PTPRN: variants seen among roughly 807,000 people sequenced by gnomAD.
PTPRN encodes protein tyrosine phosphatase receptor type N, also known as receptor-type tyrosine-protein phosphatase-like N.
Under a neutral mutation model 108.5 loss-of-function variants are expected in PTPRN, and 70 were observed. The observed-to-expected ratio is 0.65, with a 90% CI of 0.53 to 0.79. The LOEUF is 0.79. PTPRN is among the 30% of genes least tolerant of loss of function. The pLI is 0.00. For synonymous variants in PTPRN, 496 were observed against 524.6 expected (o/e 0.95, Z 0.75); for missense variants, 1,136 against 1,295.5 (o/e 0.88, Z 1.89).
rs1218446097 is a variant in PTPRN at position 219,296,837 on chromosome 2, CA to C, written c.2237-16del. ...GGCATGGTCATCTGCACAGACCCGA[CA>C]CCCCACCCCAGATGGCCCTCTGGTC... is the stretch of plus-strand genomic sequence containing the variant. On this transcript the variant is annotated splice_polypyrimidine_tract_variant and intron_variant, in intron 15 of 22. Transcript: ENST00000295718. The surrounding 1 kb of genome is among the most constrained non-coding windows in gnomAD (Gnocchi z 6.0). The C allele has an allele frequency of 6.2e-7, 1 of 1,614,118 alleles. No homozygotes were observed. The highest frequency in any genetic ancestry group is 1.7e-5 in the Admixed American group (1 of 60,024).
At position 219,296,547 on chromosome 2, in the gene PTPRN, G is replaced by T; in HGVS notation, c.2311-31C>A. 6.2e-7 allele frequency: 1 copy of T among 1,612,580 alleles called. No individual in the cohort carries two copies. Among genetic ancestry groups the T allele is most frequent in the African/African-American group, 1.3e-5 (1 of 75,016 alleles). On this transcript the variant is annotated intron_variant, in intron 16 of 22. Transcript: ENST00000295718. The surrounding 1 kb of genome is among the most constrained non-coding windows in gnomAD (Gnocchi z 6.0). ...GGCAGGGAAGATACACCATGAGCCA[G>T]TGTGGGAAATGCCACTATGGACAGG...
rs1952381173 is a variant in PTPRN at position 219,302,566 on chromosome 2, A to G, written c.639+10T>C. 2 of 1,613,854 alleles carry G rather than the reference A, an allele frequency of 1.2e-6. No individual in the cohort carries two copies. The highest frequency in any genetic ancestry group is 2.2e-5 in the South Asian group (2 of 91,078). On this transcript the variant is annotated intron_variant, in intron 5 of 22. Coordinates refer to ENST00000295718, the MANE Select transcript of PTPRN (RefSeq NM_002846.4). ...CTGCGGTTGGGGTGGGACCAGAGTC[A>G]AGGACTTACCTGGTGGAACAGGTAG...
intron 8 of PTPRN, chr2:219,300,534 G>A: frequency 4.2e-6 from 2 of 474,128 alleles, no homozygotes; most frequent in East Asian, 3.4e-5. Context: ...AAGCTGGGGT[G>A]AGGGTAAAAG....
At chr2:219,298,468 C>T (rs1011857753) in intron 12 of PTPRN, among the ~76,000 whole-genome samples, 5 of 152,100 alleles carry the variant, frequency 3.3e-5, no homozygotes, top group African/African-American at 9.7e-5. Flanking sequence ...CTTTGGGGGG[C>T]CAAAGGTTGG....
rs1227285971 is a variant in PTPRN, at chr2:219,290,358, A to G, written c.2869-61T>C. The G allele has an allele frequency of 6.9e-6, 6 of 873,892 alleles. No individual in the cohort carries two copies. In the African/African-American group the frequency reaches 7.1e-5, roughly 10 times the overall value. 54.1% of individuals were successfully genotyped at this position (873,892 alleles called of 1,614,324 possible). A position where few individuals can be genotyped will look rare whatever the true frequency, so the allele number is the denominator to read the frequency against. On this transcript the variant is annotated intron_variant, in intron 22 of 22. Transcript: ENST00000295718. The surrounding 1 kb of genome is among the most constrained non-coding windows in gnomAD (Gnocchi z 4.2). ...GGCTGACCTGTGCTCTGCCCTCAAG[A>G]TGGGGGGCTTTTGGTGGGGGGAGGG... is the stretch of plus-strand genomic sequence containing the variant.
chr2:219,296,713 G>T lies in PTPRN; in HGVS notation c.2310+36C>A. 1 of 1,610,286 alleles carries T rather than the reference G, an allele frequency of 6.2e-7. No individual in the cohort carries two copies. Among genetic ancestry groups the T allele is most frequent in the Non-Finnish European group, 8.5e-7 (1 of 1,177,730 alleles). ...GAGTGCATAGGGCCAGGATAATGAT[G>T]GGGCAGAGGTGGGGGCTGGAGTCAG... On this transcript the variant is annotated intron_variant, in intron 16 of 22. Transcript: ENST00000295718. The surrounding 1 kb of genome is among the most constrained non-coding windows in gnomAD (Gnocchi z 6.0).
Position 219,297,925 on chromosome 2 carries a change from C to G in PTPRN, c.1847G>C (p.Gly616Ala). 1 of 1,612,710 alleles carries G rather than the reference C, an allele frequency of 6.2e-7. No individual in the cohort carries two copies. The highest frequency in any genetic ancestry group is 8.5e-7 in the Non-Finnish European group (1 of 1,179,844). ...QQDKERLAAL[G>A]PEGAHGDTTF... The stretch of plus-strand genomic sequence containing the variant: ...AGTGTCACCATGGGCCCCCTCAGGC[C>G]CCAGGGCTGCCAGGCGCTCCTTGTC... The change falls in exon 13 of 23, where the codon GGG becomes GCG. Residue 616 changes from glycine (G) to alanine (A), a missense_variant. By Grantham distance (60) the Gly-to-Ala change is moderately conservative (BLOSUM62 0). Transcript: ENST00000295718. This position sits in a 1 kb window ranked among gnomAD's most constrained non-coding sequence, Gnocchi z 6.0.
chr2:219,304,087 CA>C (rs1952424423), intron 3 of PTPRN: 1 of 324,484 alleles, frequency 3.1e-6, no homozygotes, highest in South Asian at 5.1e-5. Flanking sequence ...TGAACCTCTC[CA>C]AGCCTCAATT....
Position 219,302,930 on chromosome 2 carries a change from G to A in PTPRN, c.378-93C>T, listed in dbSNP as rs565553983. 36 of 1,479,450 alleles carry A rather than the reference G, an allele frequency of 2.4e-5. 1 individual carries two copies. The highest frequency in any genetic ancestry group is 1.6e-4 in the South Asian group (13 of 80,520). The allele number at this position is 1,479,450 out of a possible 1,614,324, so 91.6% of individuals were successfully genotyped here. On this transcript the variant is annotated intron_variant, in intron 4 of 22. Transcript: ENST00000295718. ...CTATTCGGGGCCAGGCAGGCTCAGC[G>A]GTTAAGAGCAGGCCTGACCTCTTTA... is the stretch of plus-strand genomic sequence containing the variant.
rs1438394335 is a variant in PTPRN, at chr2:219,289,822, G to C, written c.*404C>G. On this transcript the variant is annotated 3_prime_UTR_variant, in exon 23 of 23. Coordinates refer to ENST00000295718, the MANE Select transcript of PTPRN (RefSeq NM_002846.4). ...GGCAGGCCCGGGGCTGAGAAGCAGG[G>C]GGAGCCGGGTGTGGCGACCCTCCAC... 2.2e-5 allele frequency: 4 copies of C among 180,238 alleles called. No homozygotes were observed. In the East Asian group the frequency reaches 4.6e-4, roughly 21 times the overall value. The allele number at this position is 180,238 out of a possible 1,614,324, so 11.2% of individuals were successfully genotyped here.
chr2:219,302,055 G>T, intron 6 of PTPRN, 82 bp downstream of exon 6: 1 of 1,253,376 alleles, frequency 8.0e-7, no homozygotes, highest in Non-Finnish European at 1.1e-6. Flanking sequence ...GTTAACAAAC[G>T]CATAGATTGT....
Position 219,291,012 on chromosome 2 carries a change from G to T in PTPRN, c.2730-122C>A. The T allele has an allele frequency of 3.3e-6, 3 of 907,996 alleles. No individual in the cohort carries two copies. In the South Asian group the frequency reaches 4.2e-5, roughly 13 times the overall value. The allele number at this position is 907,996 out of a possible 1,614,324, so 56.2% of individuals were successfully genotyped here. On this transcript the variant is annotated intron_variant, in intron 20 of 22. Transcript: ENST00000295718. Reference sequence around the variant, plus strand: ...GACACTGGGTGACCCGTTGGGGTTGGCTTGGAGAGGGACAGTGAGCCGAGG... The same window carrying T: ...GACACTGGGTGACCCGTTGGGGTTGTCTTGGAGAGGGACAGTGAGCCGAGG...
chr2:219,299,755 G>T lies in PTPRN; in HGVS notation c.1468C>A (p.Leu490Met), dbSNP rs761697881. ...PLSLAAGVKL[L>M]EILAEHVHMS... ...TGCACATGCTCAGCCAGGATCTCCAGCAGCTTCACTCCTGCAGCCAGGCTC... is the reference window on the plus strand; with the variant it reads ...TGCACATGCTCAGCCAGGATCTCCATCAGCTTCACTCCTGCAGCCAGGCTC... The change falls in exon 10 of 23, where the codon CTG becomes ATG. Residue 490 changes from leucine to methionine, a missense_variant. Physicochemically the swap from Leu to Met is conservative, Grantham distance 15. Coordinates refer to ENST00000295718, the MANE Select transcript of PTPRN (RefSeq NM_002846.4). 1 of 1,610,484 alleles carries T rather than the reference G, an allele frequency of 6.2e-7. No homozygotes were observed.
chr2:219,307,726 C>T, intron 2 of PTPRN, 66 bp downstream of exon 2: 2 of 1,576,232 alleles, frequency 1.3e-6, no homozygotes, highest in Non-Finnish European at 1.7e-6. Flanking sequence ...GCCTTCTCTC[C>T]CCTTCTTGTT....
At position 219,297,934 on chromosome 2, in the gene PTPRN, G is replaced by T; in HGVS notation, c.1838C>A (p.Ala613Glu). Reference sequence around the variant, plus strand: ...ATGGGCCCCCTCAGGCCCCAGGGCTGCCAGGCGCTCCTTGTCTTGCTGCCG... The same window carrying T: ...ATGGGCCCCCTCAGGCCCCAGGGCTTCCAGGCGCTCCTTGTCTTGCTGCCG... ...HARQQDKERL[A>E]ALGPEGAHGD... Residue 613 changes from alanine (A) to glutamate (E), a missense_variant, in exon 13 of 23, where the codon GCA becomes GAA. Ala to Glu is a moderately radical substitution (Grantham distance 107, BLOSUM62 -1). Coordinates refer to ENST00000295718, the MANE Select transcript of PTPRN (RefSeq NM_002846.4). The surrounding 1 kb of genome is among the most constrained non-coding windows in gnomAD (Gnocchi z 6.0). 6.2e-7 allele frequency: 1 copy of T among 1,613,064 alleles called. No homozygotes were observed. Among genetic ancestry groups the T allele is most frequent in the Non-Finnish European group, 8.5e-7 (1 of 1,179,922 alleles).
intron 3 of PTPRN, 192 bp from the exon 4 acceptor site, chr2:219,304,023 G>A (rs138198657): frequency 6.0e-4 from 271 of 452,276 alleles, no homozygotes; most frequent in African/African-American, 4.8e-3. Flanking sequence ...CAGACCACCT[G>A]GGTTTGAATC....
At chr2:219,303,256 A>AC (rs1952402273) in intron 4 of PTPRN, among the ~76,000 whole-genome samples, 1 of 151,708 alleles carries the variant, frequency 6.6e-6, no homozygotes, top group Non-Finnish European at 1.5e-5. Context: ...CTGCTCCTCC[A>AC]CCCCCCACCA....
chr2:219,290,746 C>T lies in PTPRN; in HGVS notation c.2794+80G>A. The T allele has an allele frequency of 6.5e-7, 1 of 1,538,654 alleles. No individual in the cohort carries two copies. The highest frequency in any genetic ancestry group is 9.0e-7 in the Non-Finnish European group (1 of 1,113,062). On this transcript the variant is annotated intron_variant, in intron 21 of 22. Transcript: ENST00000295718. This position sits in a 1 kb window ranked among gnomAD's most constrained non-coding sequence, Gnocchi z 4.2. ...CCTGGAGGTTGACAACCTGCTCCTT[C>T]TGAGCTCCCAGGACCCTGTGTGCTG...
At position 219,293,917 on chromosome 2, in the gene PTPRN, C is replaced by T. The variant is rs1046384022; in HGVS notation, c.2675+1058G>A. ...AAGCAGGGGACGCTGGAGGGCTGAC[C>T]TGTCTTGGTGTCAGTGTTGGAAAAG... On this transcript the variant is annotated intron_variant, in intron 19 of 22. Coordinates refer to ENST00000295718, the MANE Select transcript of PTPRN (RefSeq NM_002846.4). Among the ~76,000 whole-genome samples, 47 of 152,214 alleles carry T rather than the reference C, an allele frequency of 3.1e-4. 1 individual carries two copies. The highest frequency in any genetic ancestry group is 1.2e-4 in the Non-Finnish European group (8 of 68,036).
Sources: gnomAD v4.1 joint callset for allele counts (sites outside exome capture counted in the v4.1 genomes callset) on GRCh38, gnomAD v4.1.1 for gene constraint, Gnocchi (gnomAD v3.1) non-coding constraint, MANE v1.5 for transcripts, NCBI Gene and HGNC (gene_info 2026-07-23, HGNC 2026-07-21) for gene names.